The following ZNF568 variants were observed in gnomAD, a reference collection of about 807,000 sequenced individuals.
ZNF568 encodes the protein p53 inhibitor of SCO2 activation.
In ZNF568, 11 loss-of-function variants were observed where a neutral mutation model predicts 18.1. The observed-to-expected ratio is 0.61, with a 90% CI of 0.38 to 1.00. ZNF568 has a LOEUF of 1.00. ZNF568 is among the 50% of genes least tolerant of loss of function. The probability of loss-of-function intolerance (pLI) is 0.01; values close to 1 mark genes in which losing one functional copy is unlikely to be tolerated. For missense variants in ZNF568, 639 were observed against 768.2 expected (o/e 0.83, Z 1.99); for synonymous variants, 213 against 246.6 (o/e 0.86, Z 1.28).
intron 4 of ZNF568, among the ~76,000 whole-genome samples, chr19:36,995,911 C>T (rs1600865503): frequency 6.6e-6 from 1 of 152,120 alleles, no homozygotes; most frequent in South Asian, 2.1e-4. Flanking sequence ...AGGATAATAA[C>T]CCCCTCAAAG....
intron 6 of ZNF568, among the ~76,000 whole-genome samples, chr19:36,942,724 C>T (rs2146299444): frequency 6.6e-6 from 1 of 152,044 alleles, no homozygotes; most frequent in East Asian, 1.9e-4. Flanking sequence ...CTTACCCCCA[C>T]TCCAGTTTTG....
chr19:36,925,361 T>A, intron 4 of ZNF568, 103 bp downstream of exon 4: 1 of 1,062,484 alleles, frequency 9.4e-7, no homozygotes, highest in Non-Finnish European at 1.4e-6. Flanking sequence ...TTGATGAAAA[T>A]AAAAGTGAGA....
chr19:36,961,835 C>G (rs139310651), intron 6 of ZNF568, among the ~76,000 whole-genome samples: 3 of 151,568 alleles, frequency 2.0e-5, no homozygotes, highest in East Asian at 3.9e-4. Context: ...GGTTATTATT[C>G]ACATACGAAG....
intron 4 of ZNF568, among the ~76,000 whole-genome samples, chr19:36,933,094 A>G (rs1378822580): frequency 1.4e-5 from 2 of 145,500 alleles, no homozygotes; most frequent in Non-Finnish European, 3.0e-5. Context: ...CTAATAAACC[A>G]TTGCCTAATT....
chr19:36,945,366 ACCT>A (rs895005935), intron 6 of ZNF568, among the ~76,000 whole-genome samples: 5 of 151,676 alleles, frequency 3.3e-5, no homozygotes, highest in African/African-American at 4.9e-5. Flanking sequence ...AGCAAGACCG[ACCT>A]CCTCCTCAGC....
In ZNF568 at chr19:36,951,654, C is replaced by G. The variant is rs1600823017; in HGVS notation, c.*566C>G. 7.0e-6 allele frequency: 1 copy of G among 142,022 alleles called. No homozygotes were observed. Among genetic ancestry groups the G allele is most frequent in the Admixed American group, 7.1e-5 (1 of 14,042 alleles). 8.8% of individuals were successfully genotyped at this position (142,022 alleles called of 1,614,324 possible). The stretch of plus-strand genomic sequence containing the variant: ...AATAAAATTACAACATTACGACATA[C>G]TAAAAAATCAATATTCTTTTTTTTT... On this transcript the variant is annotated 3_prime_UTR_variant, in exon 7 of 7. Coordinates refer to ENST00000333987, the MANE Select transcript of ZNF568 (RefSeq NM_198539.4).
chr19:36,933,144 C>CT (rs371143411), intron 4 of ZNF568, among the ~76,000 whole-genome samples: 90,865 of 134,750 alleles, frequency 0.67, 32,733 homozygotes, highest in Non-Finnish European at 0.79. Context: ...ATTCTGAGAC[C>CT]TTTTTTTTTT....
At chr19:36,947,371 C>CT (rs563258779) in intron 6 of ZNF568, among the ~76,000 whole-genome samples, 6 of 152,062 alleles carry the variant, frequency 3.9e-5, no homozygotes, top group Non-Finnish European at 8.8e-5. Context: ...TCCTTTTAAT[C>CT]TTTTTATCTC....
downstream of ZNF568, chr19:36,997,397 A>T (rs1363752): frequency 1.9e-6 from 3 of 1,597,896 alleles, no homozygotes; most frequent in South Asian, 3.3e-5. Context: ...AAGGAATGTG[A>T]AAAGGCCTTT....
intron 4 of ZNF568, among the ~76,000 whole-genome samples, chr19:36,993,632 T>G (rs1180234659): frequency 1.3e-5 from 2 of 152,186 alleles, no homozygotes; most frequent in East Asian, 1.9e-4. Context: ...TTGGTAGTTT[T>G]GGGTCTTTTT....
intron 4 of ZNF568, among the ~76,000 whole-genome samples, chr19:36,995,546 G>A (rs963309360): frequency 2.6e-5 from 4 of 152,074 alleles, no homozygotes; most frequent in African/African-American, 9.7e-5. Flanking sequence ...ATACACTGAT[G>A]GGGTAGGATT....
At chr19:36,995,312 T>G (rs1248141864) in intron 4 of ZNF568, among the ~76,000 whole-genome samples, 1 of 152,124 alleles carries the variant, frequency 6.6e-6, no homozygotes, top group African/African-American at 2.4e-5. Flanking sequence ...GGCATGAGAA[T>G]CACTTGAACC....
chr19:36,991,351 G>T, intron 3 of ZNF568: 1 of 1,465,630 alleles, frequency 6.8e-7, no homozygotes, highest in Non-Finnish European at 9.0e-7. Flanking sequence ...ACACACAATT[G>T]GCCTTCTGGA....
At chr19:36,983,450 C>A (rs955332771), downstream of ZNF568, among the ~76,000 whole-genome samples, 1 of 152,114 alleles carries the variant, frequency 6.6e-6, no homozygotes. Context: ...TAATGTGCAT[C>A]GTTTTCTTAG....
At chr19:36,938,838 A>T (rs1410914003) in intron 6 of ZNF568, among the ~76,000 whole-genome samples, 1 of 152,180 alleles carries the variant, frequency 6.6e-6, no homozygotes, top group African/African-American at 2.4e-5. Context: ...AAGTGGCTTT[A>T]TGAGGCTATG....
intron 6 of ZNF568, among the ~76,000 whole-genome samples, chr19:36,940,035 A>G (rs894174888): frequency 6.6e-6 from 1 of 151,796 alleles, no homozygotes; most frequent in South Asian, 2.1e-4. Context: ...TTTATTGTTT[A>G]TTTCTTCTTC....
chr19:36,945,779 T>G (rs1202101211), intron 6 of ZNF568, among the ~76,000 whole-genome samples: 1 of 151,510 alleles, frequency 6.6e-6, no homozygotes, highest in African/African-American at 2.4e-5. Context: ...GTGTGTGTGT[T>G]TTTTTAAATA....
intron 6 of ZNF568, among the ~76,000 whole-genome samples, chr19:36,945,170 CT>C (rs2073941708): frequency 6.6e-6 from 1 of 151,036 alleles, no homozygotes; most frequent in African/African-American, 2.4e-5. Flanking sequence ...AATATACTCT[CT>C]TTTATGTGCA....
At position 36,991,938 on chromosome 19, in the gene ZNF568, A is replaced by T. The variant is rs2074428384; in HGVS notation, c.229+92A>T. On this transcript the variant is annotated intron_variant, in intron 4 of 4. Coordinates refer to the ZNF568 transcript ENST00000433993. ...CAGCACTTCAGGGATTTTGGTAGGA[A>T]AGCTGCCTAAAAAGGCTTGAGATCT... is the stretch of plus-strand genomic sequence containing the variant. The T allele has an allele frequency of 3.9e-6, 4 of 1,026,726 alleles. No homozygotes were observed. The East Asian group carries it at 8.1e-5, about 21-fold the overall frequency. The allele number at this position is 1,026,726 out of a possible 1,614,324, so 63.6% of individuals were successfully genotyped here. A position where few individuals can be genotyped will look rare whatever the true frequency, so the allele number is the denominator to read the frequency against.
Sources: gnomAD v4.1 joint callset for allele counts (sites outside exome capture counted in the v4.1 genomes callset) on GRCh38, gnomAD v4.1.1 for gene constraint, MANE v1.5 for transcripts, NCBI Gene and HGNC (gene_info 2026-07-23, HGNC 2026-07-21) for gene names.